Variants in GSR observed in about 807,000 individuals in gnomAD.
GSR encodes the protein glutathione-disulfide reductase, also known as glutathione reductase, mitochondrial.
Under a neutral mutation model 56.5 loss-of-function variants are expected in GSR, and 48 were observed. That is an observed-to-expected ratio of 0.85 (90% CI 0.67 to 1.08). The LOEUF is 1.08. Ranked by LOEUF, GSR falls within the 50% of genes least tolerant of loss-of-function variation. The pLI is 0.00. For missense variants in GSR, 694 were observed against 703.3 expected, an observed-to-expected ratio of 0.99 and a Z score of 0.15; for synonymous variants, 264 against 270.8, an observed-to-expected ratio of 0.97 and a Z score of 0.25.
In GSR at chr8:30,685,674, A is replaced by G. The variant is rs1317074041; in HGVS notation, c.1042-1475T>C. On this transcript the variant is annotated intron_variant, in intron 9 of 12. Transcript: ENST00000221130. ...GCAGAAGTAGGAAGTAAGTAGCCACAGAGCTTAAGAGTACAACTGGCCAGG... is the reference window on the plus strand; with the variant it reads ...GCAGAAGTAGGAAGTAAGTAGCCACGGAGCTTAAGAGTACAACTGGCCAGG... Among the ~76,000 whole-genome samples, 5 of 152,106 alleles carry G rather than the reference A, an allele frequency of 3.3e-5. No individual in the cohort carries two copies. In the South Asian group the frequency reaches 6.2e-4, roughly 19 times the overall value.
intron 2 of GSR, among the ~76,000 whole-genome samples, chr8:30,710,714 C>A (rs1586060957): frequency 1.2e-4 from 6 of 51,044 alleles, no homozygotes; most frequent in African/African-American, 3.3e-4. Context: ...GACTCTGTCT[C>A]AAAAAAAAAA....
intron 7 of GSR, among the ~76,000 whole-genome samples, chr8:30,694,035 C>T (rs890746074): frequency 6.6e-6 from 1 of 152,156 alleles, no homozygotes; most frequent in African/African-American, 2.4e-5. Flanking sequence ...AGGAACTCCT[C>T]TACCTTTCCC....
intron 7 of GSR, among the ~76,000 whole-genome samples, chr8:30,695,656 G>T (rs1232658532): frequency 6.6e-6 from 1 of 152,172 alleles, no homozygotes; most frequent in Admixed American, 6.5e-5. Context: ...GGACACCCCT[G>T]CTTTAATGCA....
intron 9 of GSR, among the ~76,000 whole-genome samples, chr8:30,686,858 C>T (rs529506736): frequency 5.7e-4 from 84 of 146,962 alleles, no homozygotes; most frequent in African/African-American, 1.9e-3. Flanking sequence ...TTTTTTGAGA[C>T]GGAGTTTTGC....
chr8:30,727,439 G>T (rs1804770336), intron 1 of GSR, 91 bp downstream of exon 1: 2 of 1,224,618 alleles, frequency 1.6e-6, no homozygotes, highest in East Asian at 2.9e-5. Context: ...AGCGCCGGGG[G>T]ACAGGATCGC....
At chr8:30,714,705 T>C (rs1390426016) in intron 1 of GSR, among the ~76,000 whole-genome samples, 1 of 151,584 alleles carries the variant, frequency 6.6e-6, no homozygotes, top group African/African-American at 2.4e-5. Context: ...TTAAAAATAC[T>C]TTATAAAAAT....
At chr8:30,719,894 G>T (rs1804470294) in intron 1 of GSR, among the ~76,000 whole-genome samples, 1 of 152,160 alleles carries the variant, frequency 6.6e-6, no homozygotes, top group Non-Finnish European at 1.5e-5. Context: ...AATTGCGCCT[G>T]CCAAGAACAT....
rs1447800410 is a variant in GSR at position 30,682,008 on chromosome 8, C to A, written c.1207G>T (p.Asp403Tyr). 1 of 1,613,084 alleles carries A rather than the reference C, an allele frequency of 6.2e-7. No individual in the cohort carries two copies. Among genetic ancestry groups the A allele is most frequent in the African/African-American group, 1.3e-5 (1 of 75,008 alleles). ...LAHRLFEYKE[D>Y]SKLDYNNIPT... ...ATGTTGTTATAATCTAATTTGGAAT[C>A]TTCCTTATATTCAAAAAGTCGATGG... Residue 403 changes from aspartate to tyrosine, a missense_variant, in exon 11 of 13, where the codon GAT becomes TAT. By Grantham distance (160) the Asp-to-Tyr change is radical (BLOSUM62 -3). Coordinates refer to ENST00000221130, the MANE Select transcript of GSR (RefSeq NM_000637.5).
intron 5 of GSR, among the ~76,000 whole-genome samples, chr8:30,701,774 C>T (rs370744472): frequency 5.8e-5 from 6 of 103,652 alleles, no homozygotes; most frequent in African/African-American, 1.5e-4. Context: ...GCCTGGGTGG[C>T]AGAGCAAGAA....
chr8:30,704,008 G>C (rs8190968), intron 4 of GSR, among the ~76,000 whole-genome samples: 2 of 152,076 alleles, frequency 1.3e-5, no homozygotes, highest in Non-Finnish European at 2.9e-5. Context: ...AGTTCCTTAT[G>C]TGCAATGTAA....
intron 1 of GSR, among the ~76,000 whole-genome samples, chr8:30,720,671 GA>G (rs3077101): frequency 3.4e-5 from 5 of 148,612 alleles, no homozygotes; most frequent in African/African-American, 1.2e-4. Flanking sequence ...GAGAAAAAGA[GA>G]AAAAAAAAAG....
chr8:30,717,181 G>A (rs746547604), intron 1 of GSR, among the ~76,000 whole-genome samples: 36 of 152,280 alleles, frequency 2.4e-4, no homozygotes, highest in Non-Finnish European at 4.0e-4. Flanking sequence ...AGGTTGCCGT[G>A]AGCGGAGATC....
chr8:30,727,177 A>G (rs540968256), intron 1 of GSR, among the ~76,000 whole-genome samples: 2 of 152,348 alleles, frequency 1.3e-5, no homozygotes, highest in South Asian at 2.1e-4. Context: ...GCCACCAGCA[A>G]TGTTCCCAGA....
chr8:30,685,571 A>G (rs1803132507), intron 9 of GSR, among the ~76,000 whole-genome samples: 1 of 152,144 alleles, frequency 6.6e-6, no homozygotes, highest in Non-Finnish European at 1.5e-5. Flanking sequence ...ATGTAGTCAA[A>G]TTTTTGCTTT....
chr8:30,680,582 A>G (rs189983894), intron 12 of GSR, among the ~76,000 whole-genome samples: 1 of 151,540 alleles, frequency 6.6e-6, no homozygotes, highest in Non-Finnish European at 1.5e-5. Context: ...TTTAGTAGAG[A>G]CAGGGTTTCA....
intron 8 of GSR, among the ~76,000 whole-genome samples, chr8:30,690,125 TATAA>T (rs1387198081): frequency 7.1e-6 from 1 of 141,448 alleles, no homozygotes; most frequent in African/African-American, 2.5e-5. Flanking sequence ...AATCTATTTA[TATAA>T]ATATACATTT....
At chr8:30,720,554 C>A (rs1804498572) in intron 1 of GSR, among the ~76,000 whole-genome samples, 1 of 152,062 alleles carries the variant, frequency 6.6e-6, no homozygotes, top group South Asian at 2.1e-4. Context: ...GCTGTCTGGA[C>A]ATGGCCCTGT....
chr8:30,680,887 G>T lies in GSR; in HGVS notation c.1419+17C>A. 6.2e-7 allele frequency: 1 copy of T among 1,611,270 alleles called. No individual in the cohort carries two copies. Among genetic ancestry groups the T allele is most frequent in the Non-Finnish European group, 8.5e-7 (1 of 1,178,626 alleles). ...CATTTTGCAAGGCACTATTTAGTTT[G>T]CTGGATTTTTCCTTACCTTTTCTTC... On this transcript the variant is annotated intron_variant, in intron 12 of 12. Transcript: ENST00000221130.
intron 6 of GSR, among the ~76,000 whole-genome samples, chr8:30,697,399 G>T (rs1803580866): frequency 6.7e-6 from 1 of 148,436 alleles, no homozygotes; most frequent in African/African-American, 2.5e-5. Flanking sequence ...GGGAAACAGA[G>T]CGAGACTCTG....
Sources: gnomAD v4.1 joint callset for allele counts (sites outside exome capture counted in the v4.1 genomes callset) on GRCh38, gnomAD v4.1.1 for gene constraint, MANE v1.5 for transcripts, NCBI Gene and HGNC (gene_info 2026-07-23, HGNC 2026-07-21) for gene names.